NCF2: variants seen among roughly 807,000 people sequenced by gnomAD.
NCF2 encodes the protein neutrophil cytosolic factor 2, also known as neutrophil cytosol factor 2.
Under a neutral mutation model 70.9 loss-of-function variants are expected in NCF2, and 45 were observed. The ratio of observed to expected loss-of-function variants is 0.63; its 90% CI spans 0.50 to 0.81. NCF2 has a LOEUF of 0.81. Among genes scored for constraint, NCF2 ranks in the 40% least tolerant of loss-of-function variants. The pLI, the probability that NCF2 is intolerant of heterozygous loss-of-function variation, is 0.00. For synonymous variants in NCF2, 203 were observed against 233.6 expected, an observed-to-expected ratio of 0.87 and a Z score of 1.19; for missense variants, 522 against 631.6, an observed-to-expected ratio of 0.83 and a Z score of 1.86.
At chr1:183,587,313 C>A (rs1429302512) in intron 1 of NCF2, among the ~76,000 whole-genome samples, 1 of 152,038 alleles carries the variant, frequency 6.6e-6, no homozygotes, top group Admixed American at 6.5e-5. Flanking sequence ...TCCAATAATT[C>A]CCAGGTGCGG....
At chr1:183,573,076 C>A in intron 5 of NCF2, 109 bp downstream of exon 5, 1 of 992,768 alleles carries the variant, frequency 1.0e-6, no homozygotes, top group Non-Finnish European at 1.6e-6. Flanking sequence ...ATTGCCATCC[C>A]AGGGACAGAG....
chr1:183,559,128 C>T (rs1671926071), intron 14 of NCF2, among the ~76,000 whole-genome samples: 1 of 152,182 alleles, frequency 6.6e-6, no homozygotes, highest in African/African-American at 2.4e-5. Flanking sequence ...CCACCCCAGA[C>T]CTGAATCAGA....
chr1:183,597,898 T>C, the NCF2 span: 2 of 152,222 alleles, frequency 1.3e-5, no homozygotes, highest in Non-Finnish European at 2.9e-5. Flanking sequence ...GTGTAATCCA[T>C]AGAAGGATGG....
chr1:183,601,492 T>C, the NCF2 span, among the ~76,000 whole-genome samples: 1 of 152,184 alleles, frequency 6.6e-6, no homozygotes, highest in South Asian at 2.1e-4. Context: ...GTGCATTTTT[T>C]TAAAAGTATA....
rs528239550 is a variant in NCF2 at position 183,563,273 on chromosome 1, G to A, written c.1212C>T (p.Pro404=). 1.9e-6 allele frequency: 3 copies of A among 1,614,146 alleles called. No individual in the cohort carries two copies. The African/African-American group carries it at 4.0e-5, about 22-fold the overall frequency. The part of the protein sequence containing the change: ...YRPRDSNELV[P]LSEDSMKDAW... ...CATCCTTCATGCTGTCTTCTGAAAG[G>A]GGCACCAGCTCATTGCTGTCCCGAG... is the stretch of plus-strand genomic sequence containing the variant. The change falls in exon 13 of 15, where the codon CCC becomes CCT. Residue 404 remains proline, a synonymous_variant. Transcript: ENST00000367535.
chr1:183,585,039 T>C (rs1354124287), intron 2 of NCF2, among the ~76,000 whole-genome samples: 1 of 152,184 alleles, frequency 6.6e-6, no homozygotes, highest in African/African-American at 2.4e-5. Context: ...GGTTTTTCTT[T>C]TAGAAAAGAC....
At chr1:183,599,402 TTTTC>T in the NCF2 span, among the ~76,000 whole-genome samples, 490 of 123,296 alleles carry the variant, frequency 4.0e-3, 3 homozygotes, top group African/African-American at 0.012. Context: ...CCAAACCTCT[TTTTC>T]TTTCTTTCTT....
chr1:183,589,613 A>T (rs1673545836), intron 1 of NCF2, among the ~76,000 whole-genome samples: 1 of 152,242 alleles, frequency 6.6e-6, no homozygotes. Context: ...AGTCAATCAC[A>T]GTACAATTTC....
chr1:183,560,317 A>G, intron 13 of NCF2, 44 bp from the exon 14 acceptor site: 1 of 1,600,928 alleles, frequency 6.2e-7, no homozygotes, highest in Non-Finnish European at 8.6e-7. Flanking sequence ...TTTCCTGCCA[A>G]GTGAACACTG....
intron 2 of NCF2, among the ~76,000 whole-genome samples, chr1:183,586,118 T>C (rs1009774238): frequency 1.3e-5 from 2 of 152,252 alleles, no homozygotes; most frequent in Non-Finnish European, 2.9e-5. Flanking sequence ...GCAGATCACC[T>C]GAGGTCGGGA....
rs148202357 is a variant in NCF2 at position 183,566,251 on chromosome 1, T to C, written c.925-472A>G. On this transcript the variant is annotated intron_variant, in intron 9 of 14. Coordinates refer to ENST00000367535, the MANE Select transcript of NCF2 (RefSeq NM_000433.4). The stretch of plus-strand genomic sequence containing the variant: ...TAGAGACAGACAGTCTCCACTGCCA[T>C]TGAGTCACTTACAGGGATGCTCAGA... Among the ~76,000 whole-genome samples the C allele has an allele frequency of 3.3e-3, 510 of 152,298 alleles. 4 individuals carry two copies. The highest frequency in any genetic ancestry group is 0.012 in the African/African-American group (485 of 41,558).
At chr1:183,558,194 T>G (rs1303714040) in intron 14 of NCF2, among the ~76,000 whole-genome samples, 2 of 151,998 alleles carry the variant, frequency 1.3e-5, no homozygotes, top group African/African-American at 4.8e-5. Flanking sequence ...ATATTTTTAA[T>G]TAATTGCTAC....
Position 183,587,439 on chromosome 1 carries a change from TAA to T in NCF2, c.175-464_175-463del, listed in dbSNP as rs200530075. On this transcript the variant is annotated intron_variant, in intron 1 of 14. Transcript: ENST00000367535. ...TGAGACTCCATCTCTACGAAAAATT[TAA>T]AAATTAGTCAGATGTGGTGGCACAT... 2.6e-5 allele frequency among the ~76,000 whole-genome samples: 4 copies of T among 151,478 alleles called. No homozygotes were observed. In the East Asian group the frequency reaches 7.8e-4, roughly 29 times the overall value.
Position 183,557,536 on chromosome 1 carries a change from C to T in NCF2, c.1469-1306G>A, listed in dbSNP as rs1012921386. ...TTTGAGAAACACTTTGTAGATGAGA[C>T]CATCTCATAACTTGAATGCAATTGA... is the stretch of plus-strand genomic sequence containing the variant. On this transcript the variant is annotated intron_variant, in intron 14 of 14. Coordinates refer to ENST00000367535, the MANE Select transcript of NCF2 (RefSeq NM_000433.4). Among the ~76,000 whole-genome samples the T allele has an allele frequency of 6.6e-5, 10 of 152,318 alleles. No homozygotes were observed. In the South Asian group the frequency reaches 2.1e-3, roughly 32 times the overall value.
chr1:183,556,797 G>GT (rs1433379364), intron 14 of NCF2, among the ~76,000 whole-genome samples: 1 of 152,212 alleles, frequency 6.6e-6, no homozygotes, highest in Non-Finnish European at 1.5e-5. Flanking sequence ...CCAAAGTGCT[G>GT]TGGTGATAGG....
intron 2 of NCF2, among the ~76,000 whole-genome samples, chr1:183,583,000 C>T (rs1036754456): frequency 6.6e-6 from 1 of 152,074 alleles, no homozygotes; most frequent in African/African-American, 2.4e-5. Flanking sequence ...GGGGAAAAAC[C>T]TCCATCCATA....
At chr1:183,600,778 CCAG>C in the NCF2 span, among the ~76,000 whole-genome samples, 1 of 152,022 alleles carries the variant, frequency 6.6e-6, no homozygotes, top group Non-Finnish European at 1.5e-5. Context: ...GAAGAGCCTC[CCAG>C]AATGATGGGT....
chr1:183,591,208 T>A (rs1177035802), upstream of NCF2, among the ~76,000 whole-genome samples: 1 of 152,228 alleles, frequency 6.6e-6, no homozygotes, highest in Non-Finnish European at 1.5e-5. Flanking sequence ...CACTGAGGCC[T>A]GGGCAGGGTG....
chr1:183,563,918 C>T (rs1367339869), intron 11 of NCF2, 87 bp downstream of exon 11: 2 of 1,460,812 alleles, frequency 1.4e-6, no homozygotes, highest in African/African-American at 2.8e-5. Flanking sequence ...GGGGCTCTTC[C>T]TATAATCCAG....
Sources: gnomAD v4.1 joint callset for allele counts (sites outside exome capture counted in the v4.1 genomes callset) on GRCh38, gnomAD v4.1.1 for gene constraint, MANE v1.5 for transcripts, NCBI Gene and HGNC (gene_info 2026-07-23, HGNC 2026-07-21) for gene names.